SSC4D: variants seen among roughly 807,000 people sequenced by gnomAD.
SSC4D encodes the protein scavenger receptor cysteine-rich domain-containing group B protein.
A neutral mutation model predicts 63.4 loss-of-function variants in SSC4D; 57 were observed. That is an observed-to-expected ratio of 0.90 (90% confidence interval 0.73 to 1.12). The LOEUF is 1.12. SSC4D is among the 50% of genes most tolerant of loss of function. The pLI, the probability that SSC4D is intolerant of heterozygous loss-of-function variation, is 0.00. For synonymous variants in SSC4D, 352 were observed against 345.4 expected, an observed-to-expected ratio of 1.02 and a Z score of -0.21; for missense variants, 791 against 806.4, an observed-to-expected ratio of 0.98 and a Z score of 0.23.
chr7:76,397,865 C>T, intron 5 of SSC4D, 33 bp from the exon 6 acceptor site: 1 of 1,490,540 alleles, frequency 6.7e-7, no homozygotes, highest in Admixed American at 2.3e-5. Context: ...GGGCGCATCT[C>T]CCACTGGCCT....
chr7:76,401,126 C>T, intron 2 of SSC4D, 83 bp from the exon 3 acceptor site: 4 of 1,444,508 alleles, frequency 2.8e-6, no homozygotes, highest in South Asian at 1.4e-5. Context: ...CCAACTCCCA[C>T]AGTCCTCAAC....
rs759344788 is a variant in SSC4D, at chr7:76,393,898, C to T, written c.953G>A (p.Gly318Glu). The T allele has an allele frequency of 6.2e-7, 1 of 1,603,756 alleles. No individual in the cohort carries two copies. Among genetic ancestry groups the T allele is most frequent in the Non-Finnish European group, 8.5e-7 (1 of 1,174,664 alleles). ...CTCCCGGGAAGGCTGGGGGCCAACT[C>T]CTGTAGCTGTGGAGACAGGGCATCT... is the stretch of plus-strand genomic sequence containing the variant. ...WAWQTDPSAT[G>E]VGPQPSRETA... is the part of the protein sequence containing the mutation. Residue 318 changes from glycine (G) to glutamate (E), a missense_variant, in exon 8 of 11, where the codon GGA becomes GAA. Physicochemically the swap from Gly to Glu is moderately conservative, Grantham distance 98. Transcript: ENST00000275560.
At chr7:76,401,092 T>C in intron 2 of SSC4D, 49 bp from the exon 3 acceptor site, 1 of 1,494,074 alleles carries the variant, frequency 6.7e-7, no homozygotes, top group African/African-American at 1.4e-5. Context: ...ACACCATGGC[T>C]CCCTGGTCCC....
chr7:76,406,248 G>A (rs1805028121), intron 1 of SSC4D, among the ~76,000 whole-genome samples: 2 of 152,230 alleles, frequency 1.3e-5, no homozygotes, highest in South Asian at 4.1e-4. Context: ...AAAGTGCTGG[G>A]ATTACAGGCA....
chr7:76,406,831 C>T (rs1323102305), intron 1 of SSC4D, among the ~76,000 whole-genome samples: 2 of 151,564 alleles, frequency 1.3e-5, no homozygotes, highest in Non-Finnish European at 2.9e-5. Context: ...ATGGGCCGAG[C>T]ATTGTAAGCA....
chr7:76,391,840 G>A (rs1268227955), intron 10 of SSC4D, 124 bp downstream of exon 10: 4 of 1,008,262 alleles, frequency 4.0e-6, no homozygotes, highest in Non-Finnish European at 6.0e-6. Flanking sequence ...CAACAAAAAG[G>A]ACAAGACTTC....
intron 6 of SSC4D, 25 bp from the exon 7 acceptor site, chr7:76,395,355 G>A (rs1365026306): frequency 6.2e-7 from 1 of 1,611,720 alleles, no homozygotes; most frequent in Non-Finnish European, 8.5e-7. Context: ...AAGGGGGCAG[G>A]GTCAGAGGCT....
intron 1 of SSC4D, among the ~76,000 whole-genome samples, chr7:76,408,391 G>A (rs1351628594): frequency 6.6e-6 from 1 of 152,130 alleles, no homozygotes; most frequent in Non-Finnish European, 1.5e-5. Flanking sequence ...ACCATGAGGA[G>A]GGGGAAAGAC....
chr7:76,393,448 C>T lies in SSC4D; in HGVS notation c.1290G>A (p.Gln430=). 1 of 1,530,632 alleles carries T rather than the reference C, an allele frequency of 6.5e-7. No homozygotes were observed. The highest frequency in any genetic ancestry group is 8.7e-7 in the Non-Finnish European group (1 of 1,146,732). The allele number at this position is 1,530,632 out of a possible 1,614,324, so 94.8% of individuals were successfully genotyped here. The part of the protein sequence containing the change: ...LSDCFHLGWG[Q]HNCGHHEDAG... ...CGTCCTCGTGGTGGCCGCAGTTGTGCTGGCCCCAGCCCAGGTGGAAGCAGT... is the reference window on the plus strand; with the variant it reads ...CGTCCTCGTGGTGGCCGCAGTTGTGTTGGCCCCAGCCCAGGTGGAAGCAGT... The change falls in exon 9 of 11, where the codon CAG becomes CAA. Residue 430 remains glutamine (Q), a synonymous_variant. Transcript: ENST00000275560.
chr7:76,391,842 C>A (rs1804499586), intron 10 of SSC4D, 122 bp downstream of exon 10: 1 of 1,032,136 alleles, frequency 9.7e-7, no homozygotes, highest in Non-Finnish European at 1.5e-6. Context: ...ACAAAAAGGA[C>A]AAGACTTCCA....
In SSC4D at chr7:76,397,809, C is replaced by A; in HGVS notation, c.577G>T (p.Gly193Trp). The change falls in exon 6 of 11, where the codon GGG becomes TGG. Residue 193 changes from glycine (G) to tryptophan (W), a missense_variant. By Grantham distance (184) the Gly-to-Trp change is radical. Transcript: ENST00000275560. ...GKSEGSVRLV[G>W]GANLCQGRVE... is the part of the protein sequence containing the mutation. ...CGGCCCTGACACAGGTTCGCGCCCC[C>A]TACCAGGCGTACGCTGCCCTCACCT... 1 of 1,594,830 alleles carries A rather than the reference C, an allele frequency of 6.3e-7. No homozygotes were observed.
chr7:76,400,188 A>G, intron 4 of SSC4D, 98 bp downstream of exon 4: 1 of 1,311,374 alleles, frequency 7.6e-7, no homozygotes, highest in East Asian at 2.8e-5. Context: ...TCTGCATGGA[A>G]CAGCCTTACC....
intron 7 of SSC4D, among the ~76,000 whole-genome samples, chr7:76,394,830 T>A (rs1388905613): frequency 6.9e-6 from 1 of 145,040 alleles, no homozygotes; most frequent in East Asian, 1.9e-4. Context: ...ATATATATGA[T>A]ATATATTATA....
chr7:76,403,555 C>T (rs1296379362), intron 2 of SSC4D, among the ~76,000 whole-genome samples: 1 of 151,766 alleles, frequency 6.6e-6, no homozygotes, highest in Non-Finnish European at 1.5e-5. Flanking sequence ...CCGGGCTGGT[C>T]CTGAACTCCT....
intron 1 of SSC4D, among the ~76,000 whole-genome samples, chr7:76,405,323 T>TTTTCTTTCTTTCTTTC (rs765504064): frequency 1.0e-4 from 3 of 29,172 alleles, no homozygotes; most frequent in African/African-American, 4.1e-4. Context: ...ATATGTATTT[T>TTTTCTTTCTTTCTTTC]TTTCTTTCTT....
Position 76,400,349 on chromosome 7 carries a change from C to A in SSC4D, c.412G>T (p.Gly138Cys). ...TTGTGGACGCCCCAGCCGCGGCTGC[C>A]GCACTCGCTCAGCGCAGCTTCCTGC... ...RGQEAALSEC[G>C]SRGWGVHNCF... Residue 138 changes from glycine (G) to cysteine (C), a missense_variant, in exon 4 of 11, where the codon GGC (glycine) becomes TGC (cysteine). Physicochemically the swap from Gly to Cys is radical, Grantham distance 159 (BLOSUM62 -3). Coordinates refer to ENST00000275560, the MANE Select transcript of SSC4D (RefSeq NM_080744.2). The A allele has an allele frequency of 1.3e-6, 2 of 1,536,040 alleles. No homozygotes were observed. The highest frequency in any genetic ancestry group is 8.8e-7 in the Non-Finnish European group (1 of 1,137,074).
At chr7:76,398,655 C>T in intron 5 of SSC4D, 65 bp downstream of exon 5, 1 of 1,527,506 alleles carries the variant, frequency 6.5e-7, no homozygotes, top group South Asian at 1.1e-5. Flanking sequence ...TTCCCACTGC[C>T]TAGGGTAGGG....
Position 76,390,379 on chromosome 7 carries a change from T to C in SSC4D, c.1412-4A>G. On this transcript the variant is annotated splice_polypyrimidine_tract_variant and splice_region_variant and intron_variant, in intron 10 of 10. Coordinates refer to ENST00000275560, the MANE Select transcript of SSC4D (RefSeq NM_080744.2). ...CCATTGACCAGACGTAGATGCCCTG[T>C]GGGGGGACAGGGCTGGGTTGGAAGG... The C allele has an allele frequency of 6.4e-7, 1 of 1,572,494 alleles. No individual in the cohort carries two copies.
Position 76,399,863 on chromosome 7 carries a change from G to A in SSC4D, c.475+423C>T, listed in dbSNP as rs185892683. On this transcript the variant is annotated intron_variant, in intron 4 of 10. Transcript: ENST00000275560. ...AAAACTAGGAGAGGGGAACCAGTGG[G>A]GTGACTTGGACCTGTAGTTCCAGCT... Among the ~76,000 whole-genome samples, 419 of 152,202 alleles carry A rather than the reference G, an allele frequency of 2.8e-3. 3 individuals are homozygous for A. Among genetic ancestry groups the A allele is most frequent in the African/African-American group, 9.5e-3 (395 of 41,536 alleles).
Sources: allele counts gnomAD v4.1 joint callset (sites outside exome capture counted in the v4.1 genomes callset), GRCh38; gene constraint gnomAD v4.1.1; transcripts MANE v1.5; gene names NCBI Gene and HGNC (gene_info 2026-07-23, HGNC 2026-07-21).